Variants in ZP3 observed in about 807,000 individuals in gnomAD.
ZP3 encodes the protein zona pellucida glycoprotein 3, also known as zona pellucida sperm-binding protein 3.
ZP3 carries 21 observed loss-of-function variants against 35.6 expected under a neutral mutation model. The ratio of observed to expected loss-of-function variants is 0.59; its 90% CI spans 0.42 to 0.85. The LOEUF (loss-of-function observed/expected upper bound fraction) is 0.85, where lower values mean the gene tolerates loss of function less well. Ranked by LOEUF, ZP3 falls within the 40% of genes least tolerant of loss-of-function variation. The probability of loss-of-function intolerance (pLI) is 0.00; values close to 1 mark genes in which losing one functional copy is unlikely to be tolerated. For synonymous variants in ZP3, 207 were observed against 214.5 expected (o/e 0.96, Z 0.31); for missense variants, 437 against 536.5 (o/e 0.81, Z 1.83).
chr7:76,405,972 TC>T (rs200427552), intron 1 of ZP3, among the ~76,000 whole-genome samples: 4 of 136,566 alleles, frequency 2.9e-5, no homozygotes, highest in South Asian at 2.2e-4. Context: ...CTTCTTCCTT[TC>T]CTTTCCTTTC....
chr7:76,437,729 C>A (rs1387691029), intron 5 of ZP3, among the ~76,000 whole-genome samples: 3 of 150,238 alleles, frequency 2.0e-5, no homozygotes, highest in African/African-American at 7.4e-5. Context: ...AAACTCCTGA[C>A]CTCAGGTGAT....
At chr7:76,427,497 C>T (rs1805703057) in intron 1 of ZP3, among the ~76,000 whole-genome samples, 1 of 123,380 alleles carries the variant, frequency 8.1e-6, no homozygotes, top group Admixed American at 1.1e-4. Flanking sequence ...GCCTGGGCAA[C>T]AGAGTGAGAC....
intron 1 of ZP3, chr7:76,401,119 A>G (rs1379537099): frequency 3.4e-6 from 5 of 1,465,718 alleles, no homozygotes; most frequent in South Asian, 1.4e-5. Flanking sequence ...ACACCCCCCA[A>G]CTCCCACAGT....
intron 1 of ZP3, among the ~76,000 whole-genome samples, chr7:76,402,680 T>A (rs184318956): frequency 2.0e-5 from 3 of 152,198 alleles, no homozygotes; most frequent in Non-Finnish European, 4.4e-5. Context: ...TCTTTTTTGT[T>A]TTTCTTGAGA....
At position 76,418,348 on chromosome 7, in the gene ZP3, C is replaced by T. The variant is rs375047408; in HGVS notation, c.-66-6704C>T. Reference sequence around the variant, plus strand: ...GGCAGATCACTTGAGGTCAGGAGATCGAGACCAGCCTGGCCAACGTGGTGA... The same window carrying T: ...GGCAGATCACTTGAGGTCAGGAGATTGAGACCAGCCTGGCCAACGTGGTGA... On this transcript the variant is annotated intron_variant, in intron 1 of 8. Coordinates refer to the ZP3 transcript ENST00000336517. 3.3e-5 allele frequency among the ~76,000 whole-genome samples: 5 copies of T among 151,854 alleles called. No individual in the cohort carries two copies. In the East Asian group the frequency reaches 7.7e-4, roughly 24 times the overall value.
intron 1 of ZP3, among the ~76,000 whole-genome samples, chr7:76,413,381 G>A (rs1178845192): frequency 6.6e-6 from 1 of 151,878 alleles, no homozygotes; most frequent in Non-Finnish European, 1.5e-5. Flanking sequence ...CAGCCTCTCA[G>A]CTTCCTGCGT....
At chr7:76,436,814 A>G (rs1272858286) in intron 5 of ZP3, among the ~76,000 whole-genome samples, 1 of 152,244 alleles carries the variant, frequency 6.6e-6, no homozygotes, top group Non-Finnish European at 1.5e-5. Flanking sequence ...GAAGATGGAG[A>G]GAAGTTTTCA....
At chr7:76,424,936 A>T (rs1443629934), upstream of ZP3, 2 of 1,493,246 alleles carry the variant, frequency 1.3e-6, no homozygotes, top group African/African-American at 2.8e-5. Context: ...AGATGGCCAG[A>T]GGCGGCTGCC....
intron 1 of ZP3, among the ~76,000 whole-genome samples, chr7:76,414,696 C>T (rs1008779678): frequency 3.8e-5 from 2 of 53,184 alleles, no homozygotes; most frequent in African/African-American, 1.7e-4. Context: ...CCTCCTCCTC[C>T]TTTTTTTTTT....
At chr7:76,405,299 A>C (rs867947410) in intron 1 of ZP3, among the ~76,000 whole-genome samples, 10 of 47,996 alleles carry the variant, frequency 2.1e-4, no homozygotes, top group African/African-American at 1.0e-3. Context: ...ATATATATAT[A>C]TATATATATA....
chr7:76,399,939 T>C (rs1002663089), intron 1 of ZP3, among the ~76,000 whole-genome samples: 3 of 152,120 alleles, frequency 2.0e-5, no homozygotes, highest in Non-Finnish European at 4.4e-5. Flanking sequence ...TGCAGTGGGC[T>C]ATGATCACAC....
chr7:76,404,391 G>A (rs571132958), intron 1 of ZP3: 18 of 1,613,998 alleles, frequency 1.1e-5, no homozygotes, highest in South Asian at 2.2e-5. Context: ...CACCCCCAGC[G>A]CTTCTCATCC....
In ZP3 at chr7:76,405,307, A is replaced by G. The variant is rs1402572108; in HGVS notation, c.-67+7510A>G. On this transcript the variant is annotated intron_variant, in intron 1 of 8. Coordinates refer to the ZP3 transcript ENST00000336517. ...TATATATATATATATATATATATAT[A>G]TATATATATGTATTTTTTTCTTTCT... is the stretch of plus-strand genomic sequence containing the variant. Among the ~76,000 whole-genome samples the G allele has an allele frequency of 3.0e-4, 14 of 46,174 alleles. 1 individual carries two copies. The highest frequency in any genetic ancestry group is 1.5e-3 in the African/African-American group (12 of 8,268). 30.3% of individuals were successfully genotyped at this position (46,174 alleles called of 152,430 possible).
chr7:76,437,517 C>T (rs1185927055), intron 5 of ZP3, among the ~76,000 whole-genome samples: 21 of 144,984 alleles, frequency 1.4e-4, no homozygotes, highest in Middle Eastern at 4.1e-3. Context: ...TGGAGTGTCA[C>T]TCTTGTTGCC....
intron 2 of ZP3, 39 bp downstream of exon 2, chr7:76,429,672 C>A (rs752628777): frequency 1.9e-6 from 3 of 1,577,322 alleles, no homozygotes; most frequent in Non-Finnish European, 2.6e-6. Context: ...GGTGCAAAAG[C>A]CCCTTGGGTG....
chr7:76,432,170 T>C lies in ZP3; in HGVS notation c.432-757T>C, dbSNP rs1378400352. Among the ~76,000 whole-genome samples the C allele has an allele frequency of 2.6e-5, 4 of 151,672 alleles. No individual in the cohort carries two copies. The East Asian group carries it at 5.8e-4, about 22-fold the overall frequency. Reference sequence around the variant, plus strand: ...CCTGAGTAGCTGGTATGTACTACTATGCCCAGCTATCTTTTCTTTTCTTTT... The same window carrying C: ...CCTGAGTAGCTGGTATGTACTACTACGCCCAGCTATCTTTTCTTTTCTTTT... On this transcript the variant is annotated intron_variant, in intron 2 of 7. Coordinates refer to ENST00000394857, the MANE Select transcript of ZP3 (RefSeq NM_001110354.2).
chr7:76,432,865 C>CAGT, intron 2 of ZP3, 62 bp from the exon 3 acceptor site: 1 of 1,420,214 alleles, frequency 7.0e-7, no homozygotes, highest in Non-Finnish European at 9.9e-7. Flanking sequence ...TACTCCCCAT[C>CAGT]AGTGGGGGCC....
intron 7 of ZP3, 129 bp from the exon 8 acceptor site, chr7:76,441,713 G>C: frequency 8.2e-7 from 1 of 1,222,618 alleles, no homozygotes; most frequent in Non-Finnish European, 1.2e-6. Context: ...TTTTTGTCTA[G>C]AAACTGTTTA....
intron 1 of ZP3, among the ~76,000 whole-genome samples, chr7:76,419,912 C>A (rs930963310): frequency 6.6e-6 from 1 of 151,910 alleles, no homozygotes; most frequent in Non-Finnish European, 1.5e-5. Context: ...AGCGATTCTC[C>A]TGCCTCAGCC....
Sources: gnomAD v4.1 joint callset for allele counts (sites outside exome capture counted in the v4.1 genomes callset) on GRCh38, gnomAD v4.1.1 for gene constraint, MANE v1.5 for transcripts, NCBI Gene and HGNC (gene_info 2026-07-23, HGNC 2026-07-21) for gene names.